The following TRABD2B variants were observed in gnomAD, a reference collection of about 807,000 sequenced individuals.
TRABD2B encodes metalloprotease TIKI2.
A neutral mutation model predicts 40.1 loss-of-function variants in TRABD2B; 14 were observed. That is an observed-to-expected ratio of 0.35 (90% CI 0.23 to 0.55). The LOEUF (loss-of-function observed/expected upper bound fraction) is 0.55, where lower values mean the gene tolerates loss of function less well. Among genes scored for constraint, TRABD2B ranks in the 20% least tolerant of loss-of-function variants. The pLI is 0.90. For synonymous variants in TRABD2B, 263 were observed against 277.0 expected (o/e 0.95, Z 0.50); for missense variants, 541 against 648.6 (o/e 0.83, Z 1.80).
Position 47,794,619 on chromosome 1 carries a change from C to T in TRABD2B, c.955G>A (p.Glu319Lys), listed in dbSNP as rs1053821010. ...KRVMALLREN[E>K]DKICFFAFGA... ...AAGGCAAAGAAGCAGATCTTGTCCT[C>T]GTTCTCCCGTAGAAGCGCCATGACC... The change falls in exon 4 of 7, where the codon GAG becomes AAG. Residue 319 changes from glutamate to lysine, a missense_variant. By Grantham distance (56) the Glu-to-Lys change is moderately conservative. Coordinates refer to ENST00000606738, the MANE Select transcript of TRABD2B (RefSeq NM_001194986.2). 14 of 1,534,816 alleles carry T rather than the reference C, an allele frequency of 9.1e-6. No individual in the cohort carries two copies. Among genetic ancestry groups the T allele is most frequent in the Middle Eastern group, 1.7e-4 (1 of 6,002 alleles).
intron 2 of TRABD2B, among the ~76,000 whole-genome samples, chr1:47,811,467 T>C (rs1486125181): frequency 6.6e-6 from 1 of 152,218 alleles, no homozygotes; most frequent in East Asian, 1.9e-4. Flanking sequence ...TTCTTTTCTC[T>C]GAATGCTTAG....
chr1:47,856,165 C>T (rs1467711959), intron 2 of TRABD2B, among the ~76,000 whole-genome samples: 2 of 152,210 alleles, frequency 1.3e-5, no homozygotes, highest in African/African-American at 4.8e-5. Flanking sequence ...AGAGATAGCT[C>T]CCTTTCTGCC....
chr1:47,952,880 T>C (rs1645365766), intron 2 of TRABD2B, among the ~76,000 whole-genome samples: 1 of 152,182 alleles, frequency 6.6e-6, no homozygotes, highest in Non-Finnish European at 1.5e-5. Flanking sequence ...GTCCAGTCTC[T>C]TTCTCTTCTG....
chr1:47,962,111 C>T (rs547956601), intron 2 of TRABD2B, among the ~76,000 whole-genome samples: 39 of 151,350 alleles, frequency 2.6e-4, no homozygotes, highest in Middle Eastern at 3.4e-3. Flanking sequence ...ACTATTGCAA[C>T]GACAGAAAGC....
chr1:47,933,737 T>C (rs1466454668), intron 2 of TRABD2B, among the ~76,000 whole-genome samples: 1 of 152,182 alleles, frequency 6.6e-6, no homozygotes, highest in African/African-American at 2.4e-5. Context: ...CCAATCATCT[T>C]TGTAACTACA....
intron 2 of TRABD2B, among the ~76,000 whole-genome samples, chr1:47,833,033 A>T (rs1645271305): frequency 6.6e-6 from 1 of 152,250 alleles, no homozygotes; most frequent in African/African-American, 2.4e-5. Context: ...ATTGTGTGGT[A>T]AGTGGCAGAA....
rs181901456 is a variant in TRABD2B at position 47,865,308 on chromosome 1, C to T, written c.667-63689G>A. On this transcript the variant is annotated intron_variant, in intron 2 of 6. Transcript: ENST00000606738. ...TCCTTCTGGTTGGTGGTGTCTTACC[C>T]CCACCATTCCTTCCTCTGCTTGCTA... Among the ~76,000 whole-genome samples the T allele has an allele frequency of 2.7e-3, 403 of 152,054 alleles. 6 individuals are homozygous for T. Among genetic ancestry groups the T allele is most frequent in the Admixed American group, 0.023 (357 of 15,278 alleles).
At chr1:47,891,335 T>C (rs1557639802) in intron 2 of TRABD2B, among the ~76,000 whole-genome samples, 1 of 151,922 alleles carries the variant, frequency 6.6e-6, no homozygotes, top group Non-Finnish European at 1.5e-5. Context: ...CTATGAGCAA[T>C]AAAGCAGGGC....
rs537686460 is a variant in TRABD2B at position 47,934,188 on chromosome 1, T to C, written c.666+59846A>G. Among the ~76,000 whole-genome samples the C allele has an allele frequency of 2.6e-5, 4 of 152,374 alleles. No homozygotes were observed. In the South Asian group the frequency reaches 8.3e-4, roughly 32 times the overall value. The stretch of plus-strand genomic sequence containing the variant: ...AGTTGAACCTTAGAGAGAGAGTCAG[T>C]GACTTGCTGTGAGCCCTCAGCTTGG... On this transcript the variant is annotated intron_variant, in intron 2 of 6. Transcript: ENST00000606738.
At chr1:47,900,302 C>A (rs1404426871) in intron 2 of TRABD2B, among the ~76,000 whole-genome samples, 3 of 152,174 alleles carry the variant, frequency 2.0e-5, no homozygotes, top group Non-Finnish European at 2.9e-5. Context: ...TAAGGCAGGG[C>A]CCACTTGCTC....
chr1:47,792,794 G>A (rs1477065790), intron 4 of TRABD2B, among the ~76,000 whole-genome samples: 1 of 152,116 alleles, frequency 6.6e-6, no homozygotes, highest in Non-Finnish European at 1.5e-5. Flanking sequence ...CAGGTGGGGT[G>A]TGTAGAATGA....
At chr1:47,796,410 C>T (rs1437376071) in intron 3 of TRABD2B, among the ~76,000 whole-genome samples, 5 of 152,210 alleles carry the variant, frequency 3.3e-5, no homozygotes, top group Admixed American at 3.3e-4. Context: ...GGCTAATTTT[C>T]TACAGGATTA....
intron 2 of TRABD2B, among the ~76,000 whole-genome samples, chr1:47,962,635 G>C (rs576608646): frequency 6.6e-6 from 1 of 152,274 alleles, no homozygotes; most frequent in East Asian, 1.9e-4. Flanking sequence ...ATTCATTTAG[G>C]CTTCACAGCA....
intron 2 of TRABD2B, among the ~76,000 whole-genome samples, chr1:47,881,442 C>T (rs1644302793): frequency 6.6e-6 from 1 of 152,248 alleles, no homozygotes. Flanking sequence ...AGGAACTCTG[C>T]TAAGAACTTG....
chr1:47,801,705 C>T, intron 2 of TRABD2B, 86 bp from the exon 3 acceptor site: 1 of 1,443,066 alleles, frequency 6.9e-7, no homozygotes, highest in South Asian at 1.4e-5. Context: ...CTCTGGACTT[C>T]AGAGCAACAG....
At chr1:47,811,833 G>A (rs947039337) in intron 2 of TRABD2B, among the ~76,000 whole-genome samples, 3 of 152,236 alleles carry the variant, frequency 2.0e-5, no homozygotes, top group Non-Finnish European at 4.4e-5. Flanking sequence ...TCTGAAACAG[G>A]AGGGTGTGGG....
At chr1:47,974,530 AATT>A (rs1225494166) in intron 2 of TRABD2B, among the ~76,000 whole-genome samples, 1 of 152,134 alleles carries the variant, frequency 6.6e-6, no homozygotes, top group Non-Finnish European at 1.5e-5. Flanking sequence ...CATGACCTAA[AATT>A]ATTTATTAAT....
intron 2 of TRABD2B, among the ~76,000 whole-genome samples, chr1:47,962,394 A>T (rs1390105070): frequency 2.6e-5 from 4 of 151,890 alleles, no homozygotes; most frequent in African/African-American, 9.7e-5. Context: ...ATAAAAAGAA[A>T]CCCAACTCAT....
At chr1:47,906,116 T>C (rs1368918163) in intron 2 of TRABD2B, among the ~76,000 whole-genome samples, 5 of 152,110 alleles carry the variant, frequency 3.3e-5, no homozygotes, top group African/African-American at 1.2e-4. Flanking sequence ...AGAAGCCAGG[T>C]TTCCTGAGTG....
Sources: allele counts gnomAD v4.1 joint callset (sites outside exome capture counted in the v4.1 genomes callset), GRCh38; gene constraint gnomAD v4.1.1; transcripts MANE v1.5; gene names NCBI Gene and HGNC (gene_info 2026-07-23, HGNC 2026-07-21).